Variants in SOX6 observed in about 807,000 individuals in gnomAD.
SOX6 encodes the protein transcription factor SOX-6.
In SOX6, 11 loss-of-function variants were observed where a neutral mutation model predicts 97.8. The observed-to-expected ratio is 0.11, with a 90% confidence interval of 0.07 to 0.19. SOX6 has a LOEUF of 0.19. Among genes scored for constraint, SOX6 ranks in the 10% least tolerant of loss-of-function variants. The pLI is 1.00. For missense variants in SOX6, 810 were observed against 1,039.5 expected (o/e 0.78, Z 3.04); for synonymous variants, 360 against 371.4 (o/e 0.97, Z 0.35).
At chr11:16,285,020 T>G (rs1158737037) in intron 3 of SOX6, among the ~76,000 whole-genome samples, 1 of 152,174 alleles carries the variant, frequency 6.6e-6, no homozygotes, top group Non-Finnish European at 1.5e-5. Context: ...TTATAAATTA[T>G]AATTTTTTAG....
intron 3 of SOX6, among the ~76,000 whole-genome samples, chr11:16,627,281 G>A (rs1307350950): frequency 1.3e-5 from 2 of 152,148 alleles, no homozygotes; most frequent in Non-Finnish European, 2.9e-5. Flanking sequence ...CTACAGTGAA[G>A]ATGCAAGTGC....
intron 3 of SOX6, among the ~76,000 whole-genome samples, chr11:16,274,517 T>A (rs1210044808): frequency 6.6e-6 from 1 of 152,152 alleles, no homozygotes; most frequent in Admixed American, 6.5e-5. Context: ...CTCAAAAGGA[T>A]CTTTAAAAGA....
chr11:16,144,870 T>C (rs1001867739), intron 6 of SOX6, among the ~76,000 whole-genome samples: 1 of 151,882 alleles, frequency 6.6e-6, no homozygotes, highest in Admixed American at 6.6e-5. Flanking sequence ...AGCCTACCAA[T>C]CAAAAAAAGT....
At chr11:16,623,241 G>A (rs1446483360) in intron 3 of SOX6, among the ~76,000 whole-genome samples, 4 of 151,958 alleles carry the variant, frequency 2.6e-5, no homozygotes, top group East Asian at 1.9e-4. Flanking sequence ...GACTAGTCTC[G>A]AACTCCTGAC....
intron 15 of SOX6, among the ~76,000 whole-genome samples, chr11:15,977,949 T>C (rs73417015): frequency 0.1 from 15,259 of 152,058 alleles, 2,460 homozygotes; most frequent in African/African-American, 0.34. Context: ...TCACGTTGAC[T>C]GGCCTCCCTG....
chr11:16,703,888 G>A (rs866935810), intron 3 of SOX6, among the ~76,000 whole-genome samples: 14 of 152,244 alleles, frequency 9.2e-5, no homozygotes, highest in African/African-American at 2.9e-4. Context: ...TAGAATGAAT[G>A]AATAAAGCTC....
In SOX6 at chr11:16,078,490, T is replaced by A. The variant is rs138323105; in HGVS notation, c.1101+17506A>T. 1.2e-4 allele frequency among the ~76,000 whole-genome samples: 18 copies of A among 152,324 alleles called. No homozygotes were observed. In the East Asian group the frequency reaches 2.7e-3, roughly 23 times the overall value. ...AAATGAATATATGTCAATTTACCAA[T>A]ATTTGAATGTGTAATTTCTTAGTAA... On this transcript the variant is annotated intron_variant, in intron 9 of 15. Coordinates refer to ENST00000683767, the MANE Select transcript of SOX6 (RefSeq NM_001367873.1).
intron 2 of SOX6, among the ~76,000 whole-genome samples, chr11:16,716,315 C>T (rs117509010): frequency 6.6e-6 from 1 of 152,198 alleles, no homozygotes; most frequent in Non-Finnish European, 1.5e-5. Context: ...AGGCTGAGGC[C>T]AGAGGATCAC....
intron 3 of SOX6, among the ~76,000 whole-genome samples, chr11:16,657,294 T>C (rs1472624424): frequency 6.6e-6 from 1 of 152,244 alleles, no homozygotes; most frequent in African/African-American, 2.4e-5. Context: ...AGCTCATTTA[T>C]TTTTAACACA....
At chr11:16,098,854 ACT>A (rs985618512) in intron 7 of SOX6, among the ~76,000 whole-genome samples, 17 of 151,712 alleles carry the variant, frequency 1.1e-4, no homozygotes, top group Admixed American at 4.6e-4. Flanking sequence ...AAGCAAGAAA[ACT>A]TTTTTTGGAG....
chr11:16,574,380 C>A (rs550089768), intron 4 of SOX6, among the ~76,000 whole-genome samples: 1 of 151,968 alleles, frequency 6.6e-6, no homozygotes, highest in Non-Finnish European at 1.5e-5. Flanking sequence ...CCCTGTAGAG[C>A]AGTCAAGAAA....
At chr11:16,514,750 T>C (rs1028494942) in intron 4 of SOX6, among the ~76,000 whole-genome samples, 1 of 139,046 alleles carries the variant, frequency 7.2e-6, no homozygotes, top group Non-Finnish European at 1.5e-5. Flanking sequence ...CCTGTGTCCA[T>C]GTGTTCTCAT....
intron 6 of SOX6, among the ~76,000 whole-genome samples, chr11:16,133,270 T>A (rs1208800366): frequency 2.6e-5 from 4 of 152,218 alleles, no homozygotes; most frequent in Non-Finnish European, 5.9e-5. Flanking sequence ...CATGTTCTCC[T>A]TCTCTAGAGA....
At chr11:16,246,132 C>A (rs1853329135) in intron 3 of SOX6, among the ~76,000 whole-genome samples, 1 of 151,420 alleles carries the variant, frequency 6.6e-6, no homozygotes, top group East Asian at 1.9e-4. Flanking sequence ...TTACAACAGT[C>A]TACCTTCAAT....
intron 6 of SOX6, among the ~76,000 whole-genome samples, chr11:16,163,795 G>A (rs767757920): frequency 3.3e-4 from 51 of 152,274 alleles, no homozygotes; most frequent in Admixed American, 1.0e-3. Context: ...ATCTTCCTCT[G>A]TGGTTCCTGT....
chr11:16,690,998 C>T (rs1383553980), intron 3 of SOX6, among the ~76,000 whole-genome samples: 3 of 152,304 alleles, frequency 2.0e-5, no homozygotes, highest in East Asian at 1.9e-4. Context: ...AGGATCAGAA[C>T]GTCTACAGGA....
intron 3 of SOX6, among the ~76,000 whole-genome samples, chr11:16,616,685 A>T (rs1848474701): frequency 6.6e-6 from 1 of 151,914 alleles, no homozygotes; most frequent in Non-Finnish European, 1.5e-5. Context: ...ATTTTTATTA[A>T]ATATGCCAGC....
rs1044301988 is a variant in SOX6, at chr11:16,356,160, C to T, written c.-71G>A. ...TACCACATCAGCCAGAACTTCAGAA[C>T]TTGAGGGCATAACACCTTTGACACC... On this transcript the variant is annotated 5_prime_UTR_variant, in exon 1 of 16. Coordinates refer to ENST00000683767, the MANE Select transcript of SOX6 (RefSeq NM_001367873.1). Among the ~76,000 whole-genome samples the T allele has an allele frequency of 6.6e-6, 1 of 151,354 alleles. No homozygotes were observed. The highest frequency in any genetic ancestry group is 2.4e-5 in the African/African-American group (1 of 41,166).
intron 4 of SOX6, among the ~76,000 whole-genome samples, chr11:16,513,799 C>T (rs1396616084): frequency 2.0e-5 from 3 of 151,826 alleles, no homozygotes; most frequent in East Asian, 1.9e-4. Flanking sequence ...AACACAATGC[C>T]GACATATATA....
Sources: gnomAD v4.1 joint callset for allele counts (sites outside exome capture counted in the v4.1 genomes callset) on GRCh38, gnomAD v4.1.1 for gene constraint, MANE v1.5 for transcripts, NCBI Gene and HGNC (gene_info 2026-07-23, HGNC 2026-07-21) for gene names.